SEMA3A: variants seen among roughly 807,000 people sequenced by gnomAD.
SEMA3A encodes semaphorin-3A.
A neutral mutation model predicts 97.9 loss-of-function variants in SEMA3A; 29 were observed. The ratio of observed to expected loss-of-function variants is 0.30; its 90% confidence interval spans 0.22 to 0.40. SEMA3A has a LOEUF of 0.40. Among genes scored for constraint, SEMA3A ranks in the 10% least tolerant of loss-of-function variants. The probability of loss-of-function intolerance (pLI) is 1.00; values close to 1 mark genes in which losing one functional copy is unlikely to be tolerated. For synonymous variants in SEMA3A, 321 were observed against 323.7 expected (o/e 0.99, Z 0.09); for missense variants, 763 against 951.3 (o/e 0.80, Z 2.60).
At chr7:84,192,509 C>A (rs1798079652) in intron 1 of SEMA3A, among the ~76,000 whole-genome samples, 1 of 151,816 alleles carries the variant, frequency 6.6e-6, no homozygotes, top group African/African-American at 2.4e-5. Flanking sequence ...GATGCCATCA[C>A]TAAAACAAGG....
intron 3 of SEMA3A, among the ~76,000 whole-genome samples, chr7:84,119,942 A>G (rs1199516895): frequency 1.3e-5 from 2 of 152,160 alleles, no homozygotes; most frequent in Non-Finnish European, 2.9e-5. Flanking sequence ...AAATCTAAAT[A>G]ATAATTTGTT....
chr7:84,330,996 G>A (rs1162375292), intron 2 of SEMA3A, among the ~76,000 whole-genome samples: 1 of 152,032 alleles, frequency 6.6e-6, no homozygotes, highest in Non-Finnish European at 1.5e-5. Context: ...ACACTGTTAG[G>A]TTTTATAGAT....
intron 1 of SEMA3A, among the ~76,000 whole-genome samples, chr7:84,160,940 C>T (rs1452148698): frequency 2.0e-5 from 3 of 152,002 alleles, no homozygotes; most frequent in Admixed American, 1.3e-4. Context: ...ATTATTTCTA[C>T]TTTATTGATA....
intron 1 of SEMA3A, among the ~76,000 whole-genome samples, chr7:84,150,323 A>C (rs1796593316): frequency 1.3e-5 from 2 of 152,180 alleles, no homozygotes; most frequent in East Asian, 3.9e-4. Context: ...TTTCCATCTG[A>C]GGTACCGGGT....
intron 3 of SEMA3A, among the ~76,000 whole-genome samples, chr7:84,219,038 G>C (rs1019757394): frequency 1.7e-4 from 26 of 152,130 alleles, no homozygotes; most frequent in Admixed American, 1.4e-3. Flanking sequence ...TCCTCTCAAG[G>C]AGACTGACTC....
intron 3 of SEMA3A, among the ~76,000 whole-genome samples, chr7:84,272,072 C>T (rs1800166098): frequency 6.6e-6 from 1 of 151,858 alleles, no homozygotes; most frequent in South Asian, 2.1e-4. Context: ...TAGCGCCTTG[C>T]CTGGCACAGC....
At chr7:84,216,832 G>A (rs964046943) in intron 3 of SEMA3A, among the ~76,000 whole-genome samples, 1 of 151,826 alleles carries the variant, frequency 6.6e-6, no homozygotes, top group African/African-American at 2.4e-5. Flanking sequence ...GTCCTCAGAG[G>A]CTTTTAGGTC....
chr7:84,304,710 A>G (rs1801109692), intron 3 of SEMA3A, among the ~76,000 whole-genome samples: 1 of 152,068 alleles, frequency 6.6e-6, no homozygotes. Context: ...ATCTGAGTCT[A>G]TAGTGCAATT....
chr7:84,293,354 T>G (rs1800796328), intron 3 of SEMA3A, among the ~76,000 whole-genome samples: 1 of 152,076 alleles, frequency 6.6e-6, no homozygotes, highest in Admixed American at 6.6e-5. Flanking sequence ...ATTTGCCTTT[T>G]GATTGATATA....
chr7:84,062,578 G>A (rs578069382), intron 4 of SEMA3A, among the ~76,000 whole-genome samples: 18 of 152,320 alleles, frequency 1.2e-4, no homozygotes, highest in South Asian at 8.3e-4. Context: ...CGCGCGAGCC[G>A]AAGCAGGGCG....
chr7:84,180,050 G>A (rs1035154113), intron 1 of SEMA3A, among the ~76,000 whole-genome samples: 9 of 148,356 alleles, frequency 6.1e-5, no homozygotes, highest in African/African-American at 2.0e-4. Flanking sequence ...GGGTTCAAGC[G>A]ATTCTCCTGC....
intron 7 of SEMA3A, among the ~76,000 whole-genome samples, chr7:84,011,844 ATTGTT>A (rs1435084559): frequency 6.6e-6 from 1 of 152,186 alleles, no homozygotes; most frequent in Non-Finnish European, 1.5e-5. Context: ...AAAAATCAAC[ATTGTT>A]TTGTACTCAT....
At chr7:84,277,840 C>T (rs1038540255) in intron 3 of SEMA3A, among the ~76,000 whole-genome samples, 2 of 152,008 alleles carry the variant, frequency 1.3e-5, no homozygotes, top group Non-Finnish European at 2.9e-5. Flanking sequence ...CCTTGGAGGC[C>T]TTTTTTCCAT....
chr7:84,420,455 A>G (rs1804558062), intron 1 of SEMA3A, among the ~76,000 whole-genome samples: 1 of 152,114 alleles, frequency 6.6e-6, no homozygotes, highest in African/African-American at 2.4e-5. Flanking sequence ...TTGAAAAGTC[A>G]GAAGAAAATA....
rs558197309 is a variant in SEMA3A, at chr7:84,110,705, T to C, written c.334-116A>G. On this transcript the variant is annotated intron_variant, in intron 3 of 16. Transcript: ENST00000265362. ...TTTTGTTTTCTTTCTTTTTTTTTTTTTGGCATCCCTTTCACAACATTTTAA... is the reference window on the plus strand; with the variant it reads ...TTTTGTTTTCTTTCTTTTTTTTTTTCTGGCATCCCTTTCACAACATTTTAA... The C allele has an allele frequency of 1.7e-5, 19 of 1,143,804 alleles. No individual in the cohort carries two copies. The East Asian group carries it at 2.7e-4, about 16-fold the overall frequency. 70.9% of individuals were successfully genotyped at this position (1,143,804 alleles called of 1,614,324 possible).
intron 3 of SEMA3A, among the ~76,000 whole-genome samples, chr7:84,289,368 TG>T (rs1299259397): frequency 6.6e-6 from 1 of 152,140 alleles, no homozygotes; most frequent in Non-Finnish European, 1.5e-5. Flanking sequence ...AAGAGGATTT[TG>T]ACTGTTCCCA....
At chr7:84,064,124 TAAAGA>T (rs752599293) in intron 4 of SEMA3A, among the ~76,000 whole-genome samples, 1 of 152,056 alleles carries the variant, frequency 6.6e-6, no homozygotes, top group Admixed American at 6.6e-5. Flanking sequence ...TCAACATTCT[TAAAGA>T]AAAGAATTTT....
intron 4 of SEMA3A, among the ~76,000 whole-genome samples, chr7:84,074,053 C>T (rs1793850435): frequency 6.6e-6 from 1 of 152,084 alleles, no homozygotes; most frequent in African/African-American, 2.4e-5. Context: ...TTGTCTCCAT[C>T]CTTCTAAATA....
chr7:84,065,485 GT>G (rs1391874399), intron 4 of SEMA3A, among the ~76,000 whole-genome samples: 3 of 151,124 alleles, frequency 2.0e-5, no homozygotes, highest in African/African-American at 7.3e-5. Context: ...CCAGGAGCTG[GT>G]TTTTTGAAAG....
Sources: allele counts gnomAD v4.1 joint callset (sites outside exome capture counted in the v4.1 genomes callset), GRCh38; gene constraint gnomAD v4.1.1; transcripts MANE v1.5; gene names NCBI Gene and HGNC (gene_info 2026-07-23, HGNC 2026-07-21).